Variants in SLC27A6 observed in about 807,000 individuals in gnomAD.
The protein encoded by SLC27A6 is long-chain fatty acid transport protein 6.
In SLC27A6, 74 loss-of-function variants were observed where a neutral mutation model predicts 63.9. The ratio of observed to expected loss-of-function variants is 1.16; its 90% CI spans 0.96 to 1.40. The LOEUF is 1.40. Ranked by LOEUF, SLC27A6 falls within the 40% of genes most tolerant of loss-of-function variation. SLC27A6 has a pLI of 0.00. For synonymous variants in SLC27A6, 287 were observed against 260.8 expected (o/e 1.10, Z -0.97); for missense variants, 794 against 732.9 (o/e 1.08, Z -0.96).
At position 128,973,846 on chromosome 5, in the gene SLC27A6, T is replaced by C. The variant is rs145913625; in HGVS notation, c.481+7228T>C. On this transcript the variant is annotated intron_variant, in intron 1 of 9. Transcript: ENST00000262462. ...TTGGAAATGCAGAAATCACCTGTCT[T>C]CTGCGTCGCTCACGCTAGGAGCTAT... is the stretch of plus-strand genomic sequence containing the variant. Among the ~76,000 whole-genome samples the C allele has an allele frequency of 3.5e-3, 528 of 152,342 alleles. 2 individuals carry two copies. Among genetic ancestry groups the C allele is most frequent in the African/African-American group, 0.012 (508 of 41,588 alleles).
chr5:128,966,395 C>T lies in SLC27A6; in HGVS notation c.258C>T (p.Asp86=), dbSNP rs141200071. The T allele has an allele frequency of 7.4e-6, 12 of 1,612,116 alleles. No homozygotes were observed. The African/African-American group carries it at 1.5e-4, about 20-fold the overall frequency. The change falls in exon 1 of 10, where the codon GAC becomes GAT. Residue 86 remains aspartate (D), a synonymous_variant. Transcript: ENST00000262462. ...ACATCTACACCTATCAGGATGTAGA[C>T]AAAAGGAGCAGCAGAGTGGCCCATG... ...EGDIYTYQDV[D]KRSSRVAHVF... is the part of the protein sequence containing the mutation.
chr5:129,016,078 A>G lies in SLC27A6; in HGVS notation c.1163A>G (p.Lys388Arg). ...GAIGRTNLFY[K>R]LLSTFDLIKY... is the part of the protein sequence containing the mutation. ...ATTGGGAGAACAAATTTGTTTTACAAAGTAAGTACAGCATTTTCCTTATTA... is the reference window on the plus strand; with the variant it reads ...ATTGGGAGAACAAATTTGTTTTACAGAGTAAGTACAGCATTTTCCTTATTA... Residue 388 changes from lysine to arginine, a missense_variant and splice_region_variant, in exon 5 of 10, where the codon AAA becomes AGA. Physicochemically the swap from Lys to Arg is conservative, Grantham distance 26 (BLOSUM62 2). Coordinates refer to ENST00000262462, the MANE Select transcript of SLC27A6 (RefSeq NM_001017372.3). 3 of 1,587,212 alleles carry G rather than the reference A, an allele frequency of 1.9e-6. No individual in the cohort carries two copies. The East Asian group carries it at 6.8e-5, about 36-fold the overall frequency.
At chr5:129,002,159 C>T (rs1349333619) in intron 4 of SLC27A6, among the ~76,000 whole-genome samples, 1 of 152,132 alleles carries the variant, frequency 6.6e-6, no homozygotes, top group Non-Finnish European at 1.5e-5. Context: ...AGCAAGTTCT[C>T]TTAAATTTTA....
At chr5:129,021,277 G>T (rs1752068313) in intron 5 of SLC27A6, among the ~76,000 whole-genome samples, 1 of 151,562 alleles carries the variant, frequency 6.6e-6, no homozygotes. Flanking sequence ...GACCTCTTTT[G>T]GGGGCAAGGT....
chr5:128,969,749 T>C (rs1187009435), intron 1 of SLC27A6, among the ~76,000 whole-genome samples: 2 of 152,212 alleles, frequency 1.3e-5, no homozygotes, highest in East Asian at 1.9e-4. Flanking sequence ...ATTGAATACC[T>C]TTTATTTCTT....
rs566174683 is a variant in SLC27A6 at position 128,984,922 on chromosome 5, A to G, written c.482-211A>G. On this transcript the variant is annotated intron_variant, in intron 1 of 9. Transcript: ENST00000262462. ...ATTCAGTCTGAATTGGACTGCTTGC[A>G]TTGGTCTGTCAGGTGATAACTAAAT... Among the ~76,000 whole-genome samples the G allele has an allele frequency of 3.0e-4, 46 of 152,330 alleles. No homozygotes were observed. In the South Asian group the frequency reaches 8.9e-3, roughly 29 times the overall value.
chr5:129,004,104 T>C (rs189322778), intron 4 of SLC27A6, among the ~76,000 whole-genome samples: 1 of 152,322 alleles, frequency 6.6e-6, no homozygotes, highest in Non-Finnish European at 1.5e-5. Context: ...TAGGCCCAGT[T>C]AGCCACTCAG....
chr5:128,985,044 AT>A (rs1279517232), intron 1 of SLC27A6, 88 bp from the exon 2 acceptor site: 4 of 805,858 alleles, frequency 5.0e-6, no homozygotes, highest in Non-Finnish European at 8.0e-6. Flanking sequence ...TTTACATTTT[AT>A]CCCTGTTTCA....
intron 7 of SLC27A6, among the ~76,000 whole-genome samples, chr5:129,027,945 C>T (rs968231149): frequency 6.6e-6 from 1 of 151,932 alleles, no homozygotes; most frequent in East Asian, 1.9e-4. Context: ...GGGTTAACAC[C>T]TAGAAACTGA....
chr5:129,027,657 C>G (rs1043816113), intron 7 of SLC27A6, among the ~76,000 whole-genome samples: 3 of 152,012 alleles, frequency 2.0e-5, no homozygotes, highest in Non-Finnish European at 4.4e-5. Flanking sequence ...TAGTCTAATT[C>G]TTGGCCTAAT....
chr5:129,004,447 G>A lies in SLC27A6; in HGVS notation c.970-11438G>A, dbSNP rs547361826. Among the ~76,000 whole-genome samples the A allele has an allele frequency of 4.0e-5, 6 of 151,656 alleles. No homozygotes were observed. In the East Asian group the frequency reaches 9.7e-4, roughly 25 times the overall value. On this transcript the variant is annotated intron_variant, in intron 4 of 9. Coordinates refer to ENST00000262462, the MANE Select transcript of SLC27A6 (RefSeq NM_001017372.3). ...TCACTCTCTGTCTTTCCTGCTTTTC[G>A]TCAGTCTTTCACGCTCTCTCTGTCT... is the stretch of plus-strand genomic sequence containing the variant.
intron 7 of SLC27A6, among the ~76,000 whole-genome samples, 165 bp downstream of exon 7, chr5:129,027,496 C>G (rs187821538): frequency 1.5e-3 from 228 of 152,188 alleles, no homozygotes; most frequent in African/African-American, 5.4e-3. Flanking sequence ...TAGACTGAAC[C>G]ACAAGTTAAA....
At chr5:129,006,069 C>CTTTTTTTTTTTTT (rs1561624835) in intron 4 of SLC27A6, among the ~76,000 whole-genome samples, 1 of 64,852 alleles carries the variant, frequency 1.5e-5, no homozygotes, top group African/African-American at 7.5e-5. Context: ...CCTGTGCACA[C>CTTTTTTTTTTTTT]TGTTTTTTTT....
chr5:128,975,125 C>T (rs1400249439), intron 1 of SLC27A6, among the ~76,000 whole-genome samples: 3 of 152,082 alleles, frequency 2.0e-5, no homozygotes, highest in African/African-American at 7.2e-5. Context: ...CTGAGGCAGG[C>T]AGATCACCTG....
chr5:129,001,900 G>T (rs1053657167), intron 4 of SLC27A6, among the ~76,000 whole-genome samples: 1 of 152,184 alleles, frequency 6.6e-6, no homozygotes, highest in Non-Finnish European at 1.5e-5. Context: ...TTCGGGAAAT[G>T]AATAAATAAA....
intron 1 of SLC27A6, among the ~76,000 whole-genome samples, chr5:128,982,213 T>G (rs1750619679): frequency 6.6e-6 from 1 of 152,190 alleles, no homozygotes. Context: ...TTTAACTTTC[T>G]CTATCCTCAC....
chr5:128,977,624 G>T (rs573259561), intron 1 of SLC27A6, among the ~76,000 whole-genome samples: 255 of 152,158 alleles, frequency 1.7e-3, no homozygotes, highest in Admixed American at 4.1e-3. Context: ...ATGCCACCTT[G>T]CCTAGATGTA....
At chr5:129,006,110 G>A (rs1172457303) in intron 4 of SLC27A6, among the ~76,000 whole-genome samples, 4 of 61,158 alleles carry the variant, frequency 6.5e-5, no homozygotes, top group South Asian at 1.6e-3. Context: ...ACGGAGTCTC[G>A]CTGTGTTGCC....
At chr5:128,996,914 A>G (rs1336028374) in intron 4 of SLC27A6, among the ~76,000 whole-genome samples, 1 of 152,170 alleles carries the variant, frequency 6.6e-6, no homozygotes, top group Non-Finnish European at 1.5e-5. Context: ...AAAGACGGTC[A>G]TAAGCTAAAA....
Sources: gnomAD v4.1 joint callset for allele counts (sites outside exome capture counted in the v4.1 genomes callset) on GRCh38, gnomAD v4.1.1 for gene constraint, MANE v1.5 for transcripts, NCBI Gene and HGNC (gene_info 2026-07-23, HGNC 2026-07-21) for gene names.